Variants in MMD2 observed in about 807,000 individuals in gnomAD.
MMD2 encodes monocyte to macrophage differentiation associated 2, also known as monocyte to macrophage differentiation factor 2.
In MMD2, 30 loss-of-function variants were observed where a neutral mutation model predicts 33.5. The ratio of observed to expected loss-of-function variants is 0.90; its 90% CI spans 0.67 to 1.22. The LOEUF (loss-of-function observed/expected upper bound fraction) is 1.22. MMD2 is among the 50% of genes most tolerant of loss of function. The pLI, the probability that MMD2 is intolerant of heterozygous loss-of-function variation, is 0.00. For missense variants in MMD2, 364 were observed against 325.4 expected (o/e 1.12, Z -0.91); for synonymous variants, 129 against 123.0 (o/e 1.05, Z -0.32).
chr7:4,958,886 G>T, intron 1 of MMD2, 85 bp downstream of exon 1: 1 of 1,169,218 alleles, frequency 8.6e-7, no homozygotes, highest in Non-Finnish European at 1.1e-6. Context: ...GGGCGGCGGG[G>T]CCCGAGAACC....
At position 4,931,942 on chromosome 7, in the gene MMD2, G is replaced by C. The variant is rs79425554; in HGVS notation, c.48-6410C>G. 8.7e-3 allele frequency among the ~76,000 whole-genome samples: 1,317 copies of C among 152,238 alleles called. 21 individuals are homozygous for C. Among genetic ancestry groups the C allele is most frequent in the African/African-American group, 0.03 (1,254 of 41,526 alleles). On this transcript the variant is annotated intron_variant, in intron 1 of 6. Coordinates refer to ENST00000401401, the MANE Select transcript of MMD2 (RefSeq NM_198403.4). ...CCAATTTACGCTTCCCACCAACTGG[G>C]CAGGGAGTCCGGAGACCAACTATGA...
At position 4,940,660 on chromosome 7, in the gene MMD2, C is replaced by G. The variant is rs533917555; in HGVS notation, c.48-15128G>C. ...GTATCTTGGCTCAGTCTTTGGGAAA[C>G]AGTCCTTGGGCCGGTGCCACCTGGG... On this transcript the variant is annotated intron_variant, in intron 1 of 6. Coordinates refer to ENST00000401401, the MANE Select transcript of MMD2 (RefSeq NM_198403.4). The surrounding 1 kb of genome is among the most constrained non-coding windows in gnomAD (Gnocchi z 5.0). Among the ~76,000 whole-genome samples, 16 of 152,320 alleles carry G rather than the reference C, an allele frequency of 1.1e-4. No individual in the cohort carries two copies. Among genetic ancestry groups the G allele is most frequent in the African/African-American group, 3.4e-4 (14 of 41,586 alleles).
chr7:4,909,488 G>A (rs1320813131), intron 6 of MMD2, among the ~76,000 whole-genome samples: 1 of 151,996 alleles, frequency 6.6e-6, no homozygotes, highest in African/African-American at 2.4e-5. Context: ...TGTAGCCCAG[G>A]CTGGAGTGCA....
At chr7:4,943,613 A>G (rs775385104) in intron 1 of MMD2, among the ~76,000 whole-genome samples, 6 of 152,050 alleles carry the variant, frequency 3.9e-5, no homozygotes, top group Non-Finnish European at 7.4e-5. Context: ...ACCTCTAGAT[A>G]TGGAGACCAG....
At chr7:4,904,928 GC>G (rs1335405298), downstream of MMD2, among the ~76,000 whole-genome samples, 1 of 152,198 alleles carries the variant, frequency 6.6e-6, no homozygotes, top group Non-Finnish European at 1.5e-5. Context: ...CAGAGGGGAA[GC>G]CCCTAAGTCA....
intron 1 of MMD2, among the ~76,000 whole-genome samples, chr7:4,957,221 C>A (rs913889885): frequency 4.0e-5 from 6 of 151,200 alleles, no homozygotes; most frequent in African/African-American, 1.2e-4. Context: ...GTGGTCCATA[C>A]CTGGAATCCC....
chr7:4,939,738 CTTTCT>C (rs1478069775), intron 1 of MMD2, among the ~76,000 whole-genome samples: 2 of 135,222 alleles, frequency 1.5e-5, no homozygotes, highest in South Asian at 4.9e-4. Context: ...TTCTTTCTTT[CTTTCT>C]TTTTTTTTTT....
intron 2 of MMD2, among the ~76,000 whole-genome samples, chr7:4,923,351 G>T (rs994855573): frequency 6.6e-6 from 1 of 152,066 alleles, no homozygotes; most frequent in African/African-American, 2.4e-5. Flanking sequence ...TGATCCGCCC[G>T]CCTCAGCCAC....
chr7:4,898,771 C>A, the MMD2 span, among the ~76,000 whole-genome samples: 1 of 152,116 alleles, frequency 6.6e-6, no homozygotes, highest in African/African-American at 2.4e-5. Flanking sequence ...CCATGGTACG[C>A]ATCTGTAATC....
At chr7:4,952,131 C>A (rs1338489687) in intron 1 of MMD2, among the ~76,000 whole-genome samples, 1 of 152,208 alleles carries the variant, frequency 6.6e-6, no homozygotes, top group Non-Finnish European at 1.5e-5. Context: ...CATGCTGGCC[C>A]CTTGGGGAAC....
At chr7:4,909,221 G>C (rs1021226384) in intron 6 of MMD2, among the ~76,000 whole-genome samples, 3 of 151,986 alleles carry the variant, frequency 2.0e-5, no homozygotes, top group Non-Finnish European at 4.4e-5. Context: ...GGGCACGGTA[G>C]CTCATGCCTG....
intron 2 of MMD2, among the ~76,000 whole-genome samples, chr7:4,921,887 G>A (rs184515095): frequency 1.3e-5 from 2 of 152,156 alleles, no homozygotes; most frequent in East Asian, 3.9e-4. Context: ...ACATCAACAG[G>A]GAAGATAGAA....
downstream of MMD2, among the ~76,000 whole-genome samples, chr7:4,903,370 C>T (rs1784820138): frequency 6.6e-6 from 1 of 152,098 alleles, no homozygotes; most frequent in Admixed American, 6.6e-5. Flanking sequence ...TTTAGATCTC[C>T]AGTTCTGGGT....
At chr7:4,935,677 C>CAAAAAAAAAAAAAAAAAAAAACAAAAAAA (rs11337982) in intron 1 of MMD2, among the ~76,000 whole-genome samples, 2 of 86,310 alleles carry the variant, frequency 2.3e-5, no homozygotes, top group Non-Finnish European at 4.7e-5. Context: ...GACCCTGTCT[C>CAAAAAAAAAAAAAAAAAAAAACAAAAAAA]AAAAAAAAAA....
At position 4,939,534 on chromosome 7, in the gene MMD2, C is replaced by T. The variant is rs114710991; in HGVS notation, c.48-14002G>A. 3.7e-3 allele frequency among the ~76,000 whole-genome samples: 566 copies of T among 152,160 alleles called. 5 individuals carry two copies. The highest frequency in any genetic ancestry group is 0.013 in the African/African-American group (543 of 41,526). On this transcript the variant is annotated intron_variant, in intron 1 of 6. Transcript: ENST00000401401. ...CTCCAGCCTGGGCGACAGAGAGAGACCTAGTCTCAGAAAACAAAAAAAGTC... is the reference window on the plus strand; with the variant it reads ...CTCCAGCCTGGGCGACAGAGAGAGATCTAGTCTCAGAAAACAAAAAAAGTC...
intron 6 of MMD2, among the ~76,000 whole-genome samples, chr7:4,908,573 C>G (rs909223696): frequency 6.6e-6 from 1 of 151,984 alleles, no homozygotes; most frequent in African/African-American, 2.4e-5. Context: ...TGGAGGCAAC[C>G]CAGGGGTCAG....
intron 1 of MMD2, among the ~76,000 whole-genome samples, chr7:4,942,191 T>G (rs1037614273): frequency 2.0e-5 from 3 of 152,072 alleles, no homozygotes; most frequent in Admixed American, 2.0e-4. Context: ...TGACCTCAGA[T>G]GATCCACTGC....
chr7:4,928,992 G>A (rs1333640646), intron 1 of MMD2, among the ~76,000 whole-genome samples: 1 of 152,202 alleles, frequency 6.6e-6, no homozygotes, highest in African/African-American at 2.4e-5. Context: ...ATAGTTCAGG[G>A]CTCATTTATG....
At chr7:4,938,006 T>C (rs1372556045) in intron 1 of MMD2, among the ~76,000 whole-genome samples, 55 of 91,380 alleles carry the variant, frequency 6.0e-4, no homozygotes, top group African/African-American at 1.6e-3. Flanking sequence ...TTCTTTCTTT[T>C]TTTTTTTTTT....
Sources: allele counts gnomAD v4.1 joint callset (sites outside exome capture counted in the v4.1 genomes callset), GRCh38; gene constraint gnomAD v4.1.1; non-coding constraint Gnocchi (gnomAD v3.1); transcripts MANE v1.5; gene names NCBI Gene and HGNC (gene_info 2026-07-23, HGNC 2026-07-21).